MTMR2: variants seen among roughly 807,000 people sequenced by gnomAD.
The protein encoded by MTMR2 is phosphatidylinositol-3,5-bisphosphate 3-phosphatase MTMR2.
Under a neutral mutation model 86.9 loss-of-function variants are expected in MTMR2, and 55 were observed. The observed-to-expected ratio is 0.63, with a 90% CI of 0.51 to 0.79. The LOEUF (loss-of-function observed/expected upper bound fraction) is 0.79. Ranked by LOEUF, MTMR2 falls within the 30% of genes least tolerant of loss-of-function variation. MTMR2 has a pLI of 0.00. For missense variants in MTMR2, 659 were observed against 772.3 expected, an observed-to-expected ratio of 0.85 and a Z score of 1.74; for synonymous variants, 241 against 266.8, an observed-to-expected ratio of 0.90 and a Z score of 0.94.
chr11:95,848,269 G>C (rs917580261), intron 9 of MTMR2, among the ~76,000 whole-genome samples: 1 of 152,140 alleles, frequency 6.6e-6, no homozygotes, highest in Non-Finnish European at 1.5e-5. Context: ...TTACCAGACT[G>C]TAAGTTTCAT....
intron 1 of MTMR2, among the ~76,000 whole-genome samples, chr11:95,908,283 G>T: frequency 6.6e-6 from 1 of 151,988 alleles, no homozygotes; most frequent in Non-Finnish European, 1.5e-5. Context: ...AGGTAACCAG[G>T]AAAGTGAAAG....
intron 1 of MTMR2, among the ~76,000 whole-genome samples, chr11:95,912,565 C>T (rs754518694): frequency 3.3e-5 from 5 of 151,486 alleles, no homozygotes; most frequent in Non-Finnish European, 7.4e-5. Flanking sequence ...ATTAAGATAA[C>T]GAGATTTACT....
chr11:95,898,944 T>C (rs770870188), intron 1 of MTMR2, among the ~76,000 whole-genome samples: 8 of 152,172 alleles, frequency 5.3e-5, no homozygotes, highest in Admixed American at 1.3e-4. Context: ...ATCACTTTTA[T>C]TGGCATACAG....
At chr11:95,909,108 T>C (rs1441938075) in intron 1 of MTMR2, among the ~76,000 whole-genome samples, 1 of 152,146 alleles carries the variant, frequency 6.6e-6, no homozygotes, top group Non-Finnish European at 1.5e-5. Context: ...CAAAGGGTTT[T>C]TTTCCTTTGT....
intron 1 of MTMR2, among the ~76,000 whole-genome samples, chr11:95,905,557 T>G (rs1354442836): frequency 6.6e-6 from 1 of 152,188 alleles, no homozygotes; most frequent in Non-Finnish European, 1.5e-5. Context: ...CAGGAAGACT[T>G]TCTAGATTAT....
chr11:95,835,440 G>C lies in MTMR2; in HGVS notation c.1782C>G (p.His594Gln). The C allele has an allele frequency of 1.2e-6, 2 of 1,612,550 alleles. No homozygotes were observed. The highest frequency in any genetic ancestry group is 1.7e-6 in the Non-Finnish European group (2 of 1,179,164). ...NPRMKPQEPI[H>Q]NRYKELLAKR... ...TAGCAAGAAGTTCTTTGTATCTGTT[G>C]TGAATAGGTTCCTGCAAGAGCAAAA... The change falls in exon 15 of 15, where the codon CAC becomes CAG. Residue 594 changes from histidine (H) to glutamine (Q), a missense_variant. By Grantham distance (24) the His-to-Gln change is conservative. Around this residue, in one of 3 missense-constraint regions of MTMR2, gnomAD observed 193 missense variants for 191.6 expected, o/e 1.01. Coordinates refer to ENST00000346299, the MANE Select transcript of MTMR2 (RefSeq NM_016156.6).
In MTMR2 at chr11:95,833,966, T is replaced by G. The variant is rs1347977935; in HGVS notation, c.*1324A>C. ...AACACTGTATATTTTAATTGTTTGATTTGGGTGTTGGTTAAGGAAAAATGG... is the reference window on the plus strand; with the variant it reads ...AACACTGTATATTTTAATTGTTTGAGTTGGGTGTTGGTTAAGGAAAAATGG... On this transcript the variant is annotated 3_prime_UTR_variant, in exon 15 of 15. Coordinates refer to ENST00000346299, the MANE Select transcript of MTMR2 (RefSeq NM_016156.6). The G allele has an allele frequency of 4.6e-5, 7 of 152,272 alleles. No individual in the cohort carries two copies. The East Asian group carries it at 1.2e-3, about 25-fold the overall frequency. The allele number at this position is 152,272 out of a possible 1,614,324, so 9.4% of individuals were successfully genotyped here. A position where few individuals can be genotyped will look rare whatever the true frequency, so the allele number is the denominator to read the frequency against.
chr11:95,882,949 T>C (rs1465321517), intron 2 of MTMR2, among the ~76,000 whole-genome samples: 1 of 143,848 alleles, frequency 7.0e-6, no homozygotes, highest in Admixed American at 7.3e-5. Context: ...GGTTTCACCG[T>C]GTTAGCCAGG....
intron 9 of MTMR2, among the ~76,000 whole-genome samples, 154 bp from the exon 10 acceptor site, chr11:95,848,053 G>T (rs1450441863): frequency 6.6e-6 from 1 of 152,120 alleles, no homozygotes; most frequent in Non-Finnish European, 1.5e-5. Flanking sequence ...AACTTATTTA[G>T]CACAACCACT....
chr11:95,840,488 A>G (rs1179319290), intron 12 of MTMR2, among the ~76,000 whole-genome samples: 4 of 152,044 alleles, frequency 2.6e-5, no homozygotes, highest in Non-Finnish European at 4.4e-5. Flanking sequence ...TAAACACTGC[A>G]CCTCTCCTTC....
At position 95,847,826 on chromosome 11, in the gene MTMR2, A is replaced by G. The variant is rs1863856223; in HGVS notation, c.1067T>C (p.Ile356Thr). The change falls in exon 10 of 15, where the codon ATT becomes ACT. Residue 356 changes from isoleucine to threonine, a missense_variant. By Grantham distance (89) the Ile-to-Thr change is moderately conservative. Coordinates refer to ENST00000346299, the MANE Select transcript of MTMR2 (RefSeq NM_016156.6). The part of the protein sequence containing the change: ...AELVFLDIHN[I>T]HVMRESLRKL... Reference sequence around the variant, plus strand: ...TCGTAATGATTCTCTCATAACATGAATATTGTGGATATCCAGGAAAACTAG... The same window carrying G: ...TCGTAATGATTCTCTCATAACATGAGTATTGTGGATATCCAGGAAAACTAG... The G allele has an allele frequency of 6.2e-7, 1 of 1,613,648 alleles. No individual in the cohort carries two copies. The highest frequency in any genetic ancestry group is 1.3e-5 in the African/African-American group (1 of 74,916).
intron 3 of MTMR2, among the ~76,000 whole-genome samples, chr11:95,862,902 A>G (rs939895427): frequency 2.6e-5 from 4 of 152,210 alleles, no homozygotes; most frequent in Admixed American, 1.3e-4. Context: ...TTTAAAATAT[A>G]ATTTCTTAGA....
intron 1 of MTMR2, among the ~76,000 whole-genome samples, chr11:95,905,332 CACACA>C (rs1866223542): frequency 1.7e-3 from 6 of 3,436 alleles, no homozygotes; most frequent in African/African-American, 8.6e-4. Flanking sequence ...CGCACCTGCG[CACACA>C]CACACACACA....
At chr11:95,888,438 T>G (rs753791373) in intron 1 of MTMR2, among the ~76,000 whole-genome samples, 177 bp from the exon 2 acceptor site, 2 of 152,208 alleles carry the variant, frequency 1.3e-5, no homozygotes, top group Non-Finnish European at 2.9e-5. Context: ...TCCTGCTGGG[T>G]CAAGTATTCT....
At chr11:95,903,918 C>T (rs564240089) in intron 1 of MTMR2, among the ~76,000 whole-genome samples, 1 of 152,058 alleles carries the variant, frequency 6.6e-6, no homozygotes, top group Admixed American at 6.6e-5. Flanking sequence ...ATTGACACTA[C>T]CCTGGCTAAG....
chr11:95,847,365 C>A (rs1863835326), intron 10 of MTMR2, among the ~76,000 whole-genome samples: 1 of 152,024 alleles, frequency 6.6e-6, no homozygotes, highest in Non-Finnish European at 1.5e-5. Context: ...CACGCTAGTT[C>A]CTGATTAGAT....
intron 8 of MTMR2, 71 bp downstream of exon 8, chr11:95,850,529 C>T (rs117501732): frequency 1.4e-6 from 2 of 1,438,740 alleles, no homozygotes; most frequent in Non-Finnish European, 2.0e-6. Context: ...ATCCATTCTC[C>T]TACTCATTAA....
At position 95,841,671 on chromosome 11, in the gene MTMR2, G is replaced by C; in HGVS notation, c.1425C>G (p.Asp475Glu). Reference sequence around the variant, plus strand: ...TAAATTGAAGAAAAACAGGCGATCTGTCTGCATCTGCATGGTTCTTATCTC... The same window carrying C: ...TAAATTGAAGAAAAACAGGCGATCTCTCTGCATCTGCATGGTTCTTATCTC... ...GHGDKNHADA[D>E]RSPVFLQFID... The change falls in exon 12 of 15, where the codon GAC becomes GAG. Residue 475 changes from aspartate (D) to glutamate (E), a missense_variant. Asp to Glu is a conservative substitution (Grantham distance 45, BLOSUM62 2). Transcript: ENST00000346299. 6.2e-7 allele frequency: 1 copy of C among 1,613,820 alleles called. No individual in the cohort carries two copies. The highest frequency in any genetic ancestry group is 8.5e-7 in the Non-Finnish European group (1 of 1,179,784).
At chr11:95,870,888 T>TC (rs1864850900) in intron 2 of MTMR2, among the ~76,000 whole-genome samples, 1 of 151,612 alleles carries the variant, frequency 6.6e-6, no homozygotes, top group South Asian at 2.1e-4. Flanking sequence ...CCTCCCCCCT[T>TC]CCCCCACCCC....
Sources: gnomAD v4.1 joint callset for allele counts (sites outside exome capture counted in the v4.1 genomes callset) on GRCh38, gnomAD v4.1.1 for gene constraint, gnomAD v4.1.1 regional missense constraint, MANE v1.5 for transcripts, NCBI Gene and HGNC (gene_info 2026-07-23, HGNC 2026-07-21) for gene names.